The following MAG variants were observed in gnomAD, a reference collection of about 807,000 sequenced individuals.
The protein encoded by MAG is myelin-associated glycoprotein.
In MAG, 30 loss-of-function variants were observed where a neutral mutation model predicts 60.7. The observed-to-expected ratio is 0.49, with a 90% confidence interval of 0.37 to 0.67. The LOEUF is 0.67. MAG is among the 30% of genes least tolerant of loss of function. The probability of loss-of-function intolerance (pLI) is 0.00; values close to 1 mark genes in which losing one functional copy is unlikely to be tolerated. For missense variants in MAG, 795 were observed against 851.7 expected, an observed-to-expected ratio of 0.93 and a Z score of 0.83; for synonymous variants, 384 against 376.8, an observed-to-expected ratio of 1.02 and a Z score of -0.22.
intron 7 of MAG, among the ~76,000 whole-genome samples, chr19:35,304,786 C>T (rs370054400): frequency 1.8e-4 from 27 of 152,162 alleles, no homozygotes; most frequent in South Asian, 1.5e-3. Context: ...GTGATCCACC[C>T]GCCTCGGCCT....
chr19:35,313,299 C>T lies in MAG; in HGVS notation c.1726C>T (p.Arg576Cys), dbSNP rs1443376197. ...GAPEKYESER[R>C]LGSERRLLGL... Reference sequence around the variant, plus strand: ...CGGTTTCCCCTCTTAGAGCGAGAGGCGCCTGGGATCTGAGAGGAGGCTGCT... The same window carrying T: ...CGGTTTCCCCTCTTAGAGCGAGAGGTGCCTGGGATCTGAGAGGAGGCTGCT... Residue 576 changes from arginine to cysteine, a missense_variant, in exon 11 of 11, where the codon CGC becomes TGC. Arg to Cys is a radical substitution (Grantham distance 180). Coordinates refer to ENST00000392213, the MANE Select transcript of MAG (RefSeq NM_002361.4). 14 of 1,613,084 alleles carry T rather than the reference C, an allele frequency of 8.7e-6. No homozygotes were observed. The highest frequency in any genetic ancestry group is 4.5e-5 in the East Asian group (2 of 44,884).
Position 35,310,572 on chromosome 19 carries a change from G to T in MAG, c.1545G>T (p.Gly515=). ...GAHRLMWAKI[G]PVGAVVAFAI... is the part of the protein sequence containing the mutation. ...ATCGACTGATGTGGGCCAAGATCGGGCCTGTGGGCGCCGTGGTCGCCTTTG... is the reference window on the plus strand; with the variant it reads ...ATCGACTGATGTGGGCCAAGATCGGTCCTGTGGGCGCCGTGGTCGCCTTTG... The change falls in exon 9 of 11, where the codon GGG becomes GGT. Residue 515 remains glycine, a synonymous_variant. Transcript: ENST00000392213. 1 of 1,614,152 alleles carries T rather than the reference G, an allele frequency of 6.2e-7. No individual in the cohort carries two copies. Among genetic ancestry groups the T allele is most frequent in the Admixed American group, 1.7e-5 (1 of 60,032 alleles).
intron 6 of MAG, among the ~76,000 whole-genome samples, chr19:35,300,907 T>C (rs958973420): frequency 6.6e-6 from 1 of 152,010 alleles, no homozygotes; most frequent in Non-Finnish European, 1.5e-5. Context: ...AATTTTCAGA[T>C]TTTTTTTGTA....
chr19:35,312,525 C>T, intron 10 of MAG: 2 of 359,684 alleles, frequency 5.6e-6, no homozygotes, highest in Non-Finnish European at 1.1e-5. Context: ...GTCCAAATTC[C>T]TGTGGCTAGG....
At chr19:35,308,399 T>C (rs1011972636) in intron 7 of MAG, among the ~76,000 whole-genome samples, 1 of 152,128 alleles carries the variant, frequency 6.6e-6, no homozygotes, top group Admixed American at 6.5e-5. Context: ...AGAGAGTGTG[T>C]GGTCAGGCAG....
In MAG at chr19:35,306,697, CA is replaced by C. The variant is rs2066488189; in HGVS notation, c.1232-3174del. Among the ~76,000 whole-genome samples, 4 of 152,338 alleles carry C rather than the reference CA, an allele frequency of 2.6e-5. No individual in the cohort carries two copies. The South Asian group carries it at 8.3e-4, about 32-fold the overall frequency. On this transcript the variant is annotated intron_variant, in intron 7 of 10. Coordinates refer to ENST00000392213, the MANE Select transcript of MAG (RefSeq NM_002361.4). ...AAGTGATCCTCCTGCCTTGGCCTCCCAAAGTGCTGGAATGACAGGTGTGAGC... is the reference window on the plus strand; with the variant it reads ...AAGTGATCCTCCTGCCTTGGCCTCCCAAGTGCTGGAATGACAGGTGTGAGC...
intron 7 of MAG, 185 bp from the exon 8 acceptor site, chr19:35,309,689 G>A: frequency 4.6e-6 from 3 of 648,836 alleles, no homozygotes; most frequent in Non-Finnish European, 8.0e-6. Context: ...CAGCCGGCGG[G>A]GTCGTAGTGA....
rs1201707713 is a variant in MAG at position 35,293,964 on chromosome 19, C to T, written c.-79-271C>T. Among the ~76,000 whole-genome samples, 1 of 152,114 alleles carries T rather than the reference C, an allele frequency of 6.6e-6. No homozygotes were observed. The highest frequency in any genetic ancestry group is 2.4e-5 in the African/African-American group (1 of 41,406). On this transcript the variant is annotated intron_variant, in intron 1 of 10. Coordinates refer to ENST00000392213, the MANE Select transcript of MAG (RefSeq NM_002361.4). This position sits in a 1 kb window ranked among gnomAD's most constrained non-coding sequence, Gnocchi z 4.0. Reference sequence around the variant, plus strand: ...CCCGGCCGTGGGACATCTGCTCCCTCACTCCACTCGCCACACCCCTCAGTC... The same window carrying T: ...CCCGGCCGTGGGACATCTGCTCCCTTACTCCACTCGCCACACCCCTCAGTC...
rs74172714 is a variant in MAG, at chr19:35,292,644, G to GGTGTGT, written c.-80+456_-80+461dup. ...CATTCTAGCACCTGGGCACATAGCA[G>GGTGTGT]GTGTGTGTGTGTGTGTGTGTGCGTG... On this transcript the variant is annotated intron_variant, in intron 1 of 10. Transcript: ENST00000392213. 9.6e-3 allele frequency among the ~76,000 whole-genome samples: 1,440 copies of GGTGTGT among 150,090 alleles called. 18 individuals are homozygous for GGTGTGT. Among genetic ancestry groups the GGTGTGT allele is most frequent in the African/African-American group, 0.028 (1,151 of 40,700 alleles).
chr19:35,309,768 C>A, intron 7 of MAG, 106 bp from the exon 8 acceptor site: 1 of 1,233,970 alleles, frequency 8.1e-7, no homozygotes, highest in South Asian at 1.3e-5. Flanking sequence ...AGGAAGCTAC[C>A]GCCCCCATCC....
intron 1 of MAG, among the ~76,000 whole-genome samples, chr19:35,292,802 A>G (rs968328044): frequency 6.0e-5 from 9 of 151,058 alleles, no homozygotes; most frequent in Admixed American, 3.3e-4. Flanking sequence ...CTCTCACTAT[A>G]TTGCCCAGGC....
At chr19:35,296,515 T>G (rs56312603) in intron 4 of MAG, among the ~76,000 whole-genome samples, 20,706 of 152,214 alleles carry the variant, frequency 0.14, 1,679 homozygotes, top group Non-Finnish European at 0.19. Context: ...TGGTGTAATC[T>G]CCTAATTCTT....
intron 9 of MAG, 52 bp downstream of exon 9, chr19:35,310,695 CTGG>C: frequency 6.5e-7 from 1 of 1,547,102 alleles, no homozygotes; most frequent in Non-Finnish European, 8.9e-7. Flanking sequence ...AAAAGGGGAC[CTGG>C]TGGGAGATGG....
Position 35,310,554 on chromosome 19 carries a change from G to T in MAG, c.1527G>T (p.Leu509=). 6.2e-7 allele frequency: 1 copy of T among 1,614,164 alleles called. No individual in the cohort carries two copies. Among genetic ancestry groups the T allele is most frequent in the Non-Finnish European group, 8.5e-7 (1 of 1,180,012 alleles). ...GGTCTTTTCTGTCCTCAGATCGACT[G>T]ATGTGGGCCAAGATCGGGCCTGTGG... ...LELPFQGAHR[L]MWAKIGPVGA... The change falls in exon 9 of 11, where the codon CTG becomes CTT. Residue 509 remains leucine (L), a synonymous_variant. Transcript: ENST00000392213.
At chr19:35,299,105 A>G (rs796525421) in intron 4 of MAG, among the ~76,000 whole-genome samples, 2 of 152,214 alleles carry the variant, frequency 1.3e-5, no homozygotes, top group African/African-American at 4.8e-5. Context: ...CGGAGGGTAA[A>G]CCAAGCAGGC....
At position 35,300,385 on chromosome 19, in the gene MAG, C is replaced by A; in HGVS notation, c.951C>A (p.Thr317=). The change falls in exon 6 of 11, where the codon ACC becomes ACA. Residue 317 remains threonine (T), a synonymous_variant. Transcript: ENST00000392213. Reference sequence around the variant, plus strand: ...ATGCCTATGGCCAGGACAACCGCACCGTGGGGCTCAGTGTCATGTGTGAGT... The same window carrying A: ...ATGCCTATGGCCAGGACAACCGCACAGTGGGGCTCAGTGTCATGTGTGAGT... The part of the protein sequence containing the change: ...AENAYGQDNR[T]VGLSVMYAPW... 1.3e-6 allele frequency: 2 copies of A among 1,580,552 alleles called. No homozygotes were observed. Among genetic ancestry groups the A allele is most frequent in the South Asian group, 2.2e-5 (2 of 89,750 alleles).
rs2066436150 is a variant in MAG, at chr19:35,300,052, G to A, written c.713-95G>A. ...GGGCGGGGCCAAGGCTGAGGGCGGG[G>A]CCGGACAGTGTTGGGGGCGGGGCCG... On this transcript the variant is annotated intron_variant, in intron 5 of 10. Coordinates refer to ENST00000392213, the MANE Select transcript of MAG (RefSeq NM_002361.4). The A allele has an allele frequency of 8.7e-6, 12 of 1,382,298 alleles. No homozygotes were observed. The South Asian group carries it at 1.5e-4, about 18-fold the overall frequency. 85.6% of individuals were successfully genotyped at this position (1,382,298 alleles called of 1,614,324 possible).
chr19:35,299,187 T>C (rs2066427259), intron 4 of MAG, among the ~76,000 whole-genome samples: 1 of 152,216 alleles, frequency 6.6e-6, no homozygotes, highest in Admixed American at 6.5e-5. Context: ...CCACAGGGTT[T>C]GTAGCCAGTG....
Position 35,303,113 on chromosome 19 carries a change from G to C in MAG, c.1231+405G>C, listed in dbSNP as rs548308534. Reference sequence around the variant, plus strand: ...AAATTTTTGTATTTTTAGTAGAGACGGGGTTTCGCCATGTTGGCCTGGCTT... The same window carrying C: ...AAATTTTTGTATTTTTAGTAGAGACCGGGTTTCGCCATGTTGGCCTGGCTT... On this transcript the variant is annotated intron_variant, in intron 7 of 10. Transcript: ENST00000392213. Among the ~76,000 whole-genome samples the C allele has an allele frequency of 9.2e-5, 14 of 152,108 alleles. No homozygotes were observed. In the East Asian group the frequency reaches 2.7e-3, roughly 29 times the overall value.
Sources: gnomAD v4.1 joint callset for allele counts (sites outside exome capture counted in the v4.1 genomes callset) on GRCh38, gnomAD v4.1.1 for gene constraint, Gnocchi (gnomAD v3.1) non-coding constraint, MANE v1.5 for transcripts, NCBI Gene and HGNC (gene_info 2026-07-23, HGNC 2026-07-21) for gene names.